SOX9: variants seen among roughly 807,000 people sequenced by gnomAD.
SOX9 encodes the protein SRY-box transcription factor 9.
Under a neutral mutation model 44.8 loss-of-function variants are expected in SOX9, and 2 were observed. That is an observed-to-expected ratio of 0.04 (90% CI 0.02 to 0.14). The LOEUF is 0.14. SOX9 is among the 10% of genes least tolerant of loss of function. The pLI is 1.00. For missense variants in SOX9, 583 were observed against 728.6 expected, an observed-to-expected ratio of 0.80 and a Z score of 2.30; for synonymous variants, 381 against 331.8, an observed-to-expected ratio of 1.15 and a Z score of -1.61.
Position 72,123,270 on chromosome 17 carries a change from C to T in SOX9, c.686-273C>T, listed in dbSNP as rs1453070781. ...TCTCCCTTCTTCTCTGCTCCCCCACCCCAAAAGCACACACAGGGCTCTTAC... is the reference window on the plus strand; with the variant it reads ...TCTCCCTTCTTCTCTGCTCCCCCACTCCAAAAGCACACACAGGGCTCTTAC... On this transcript the variant is annotated intron_variant, in intron 2 of 2. Coordinates refer to ENST00000245479, the MANE Select transcript of SOX9 (RefSeq NM_000346.4). This position sits in a 1 kb window ranked among gnomAD's most constrained non-coding sequence, Gnocchi z 6.5. Among the ~76,000 whole-genome samples the T allele has an allele frequency of 6.6e-6, 1 of 152,234 alleles. No individual in the cohort carries two copies. Among genetic ancestry groups the T allele is most frequent in the Non-Finnish European group, 1.5e-5 (1 of 68,038 alleles).
chr17:72,121,245 C>T lies in SOX9; in HGVS notation c.-147C>T. On this transcript the variant is annotated 5_prime_UTR_variant, in exon 1 of 3. Transcript: ENST00000245479. This position sits in a 1 kb window ranked among gnomAD's most constrained non-coding sequence, Gnocchi z 8.3. ...CCCGCGCCTTCCTAAGTGCTCGCCG[C>T]GGTAGCCGGCCGACGCGCCAGCTTC... 1 of 717,506 alleles carries T rather than the reference C, an allele frequency of 1.4e-6. No individual in the cohort carries two copies. The highest frequency in any genetic ancestry group is 2.3e-6 in the Non-Finnish European group (1 of 429,360). The allele number at this position is 717,506 out of a possible 1,614,324, so 44.4% of individuals were successfully genotyped here.
At position 72,126,281 on chromosome 17, in the gene SOX9, T is replaced by C; in HGVS notation, c.*1894T>C. On this transcript the variant is annotated 3_prime_UTR_variant, in exon 3 of 3. Coordinates refer to ENST00000245479, the MANE Select transcript of SOX9 (RefSeq NM_000346.4). ...AGGTAAAAGCTTTGGTTTGTGTTCG[T>C]GTTTTGTTTGTTTCACTTGTTTCCC... 4.3e-6 allele frequency: 1 copy of C among 233,238 alleles called. No individual in the cohort carries two copies. Among genetic ancestry groups the C allele is most frequent in the Non-Finnish European group, 8.5e-6 (1 of 117,830 alleles). The allele number at this position is 233,238 out of a possible 1,614,324, so 14.4% of individuals were successfully genotyped here. A position where few individuals can be genotyped will look rare whatever the true frequency, so the allele number is the denominator to read the frequency against.
chr17:72,121,569 C>G lies in SOX9; in HGVS notation c.178C>G (p.Leu60Val), dbSNP rs1908093931. The G allele has an allele frequency of 1.9e-6, 3 of 1,609,180 alleles. No individual in the cohort carries two copies. The highest frequency in any genetic ancestry group is 1.3e-5 in the African/African-American group (1 of 74,934). The stretch of plus-strand genomic sequence containing the variant: ...CACGTTCCCCAAGGGCGAGCCCGAT[C>G]TGAAGAAGGAGAGCGAGGAGGACAA... ...ENTFPKGEPD[L>V]KKESEEDKFP... The change falls in exon 1 of 3, where the codon CTG (leucine) becomes GTG (valine). Residue 60 changes from leucine to valine, a missense_variant. Around this residue, in one of 7 missense-constraint regions of SOX9, gnomAD observed 101 missense variants for 98.6 expected, o/e 1.02. Coordinates refer to ENST00000245479, the MANE Select transcript of SOX9 (RefSeq NM_000346.4). The surrounding 1 kb of genome is among the most constrained non-coding windows in gnomAD (Gnocchi z 8.3).
Position 72,124,382 on chromosome 17 carries a change from C to T in SOX9, c.1525C>T (p.Pro509Ser), listed in dbSNP as rs757337660. ...ACCCGTCTACACACAGCTCACTCGA[C>T]CTTGAGGAGGCCTCCCACGAAGGGC... ...EQPVYTQLTR[P>S] is the part of the protein sequence containing the mutation. The change falls in exon 3 of 3, where the codon CCT becomes TCT. Residue 509 changes from proline (P) to serine (S), a missense_variant. By Grantham distance (74) the Pro-to-Ser change is moderately conservative. Coordinates refer to ENST00000245479, the MANE Select transcript of SOX9 (RefSeq NM_000346.4). This position sits in a 1 kb window ranked among gnomAD's most constrained non-coding sequence, Gnocchi z 4.6. The T allele has an allele frequency of 1.9e-6, 3 of 1,600,180 alleles. No individual in the cohort carries two copies. The South Asian group carries it at 3.3e-5, about 18-fold the overall frequency.
rs2143256673 is a variant in SOX9 at position 72,124,173 on chromosome 17, A to G, written c.1316A>G (p.Gln439Arg). 1 of 1,613,740 alleles carries G rather than the reference A, an allele frequency of 6.2e-7. No homozygotes were observed. Among genetic ancestry groups the G allele is most frequent in the East Asian group, 2.2e-5 (1 of 44,862 alleles). ...SPSYPPITRS[Q>R]YDYTDHQNSS... ...TCCTACCCGCCCATCACCCGCTCACAGTACGACTACACCGACCACCAGAAC... is the reference window on the plus strand; with the variant it reads ...TCCTACCCGCCCATCACCCGCTCACGGTACGACTACACCGACCACCAGAAC... The change falls in exon 3 of 3, where the codon CAG becomes CGG. Residue 439 changes from glutamine (Q) to arginine (R), a missense_variant. By Grantham distance (43) the Gln-to-Arg change is conservative. This residue lies in a region of SOX9 where 349 missense variants were observed against 387.0 expected (regional missense o/e 0.90). Transcript: ENST00000245479. The surrounding 1 kb of genome is among the most constrained non-coding windows in gnomAD (Gnocchi z 4.6).
Position 72,124,836 on chromosome 17 carries a change from G to C in SOX9, c.*449G>C, listed in dbSNP as rs1226639886. ...ATATTCTCTATTTTAAATATTTTTAGTATGTACTGTGTATGATTCATTACC... is the reference window on the plus strand; with the variant it reads ...ATATTCTCTATTTTAAATATTTTTACTATGTACTGTGTATGATTCATTACC... On this transcript the variant is annotated 3_prime_UTR_variant, in exon 3 of 3. Transcript: ENST00000245479. The surrounding 1 kb of genome is among the most constrained non-coding windows in gnomAD (Gnocchi z 4.6). The C allele has an allele frequency of 5.7e-6, 2 of 349,608 alleles. No individual in the cohort carries two copies. Among genetic ancestry groups the C allele is most frequent in the African/African-American group, 2.0e-5 (1 of 48,824 alleles). The allele number at this position is 349,608 out of a possible 1,614,324, so 21.7% of individuals were successfully genotyped here.
rs772262688 is a variant in SOX9, at chr17:72,125,728, T to A, written c.*1341T>A. On this transcript the variant is annotated 3_prime_UTR_variant, in exon 3 of 3. Coordinates refer to ENST00000245479, the MANE Select transcript of SOX9 (RefSeq NM_000346.4). The stretch of plus-strand genomic sequence containing the variant: ...GCAAGTTTCTTTGTATTCCTCACCC[T>A]AGATTTGTATAAATGCCTTTTTGTC... The A allele has an allele frequency of 1.3e-5, 3 of 226,526 alleles. No individual in the cohort carries two copies. Among genetic ancestry groups the A allele is most frequent in the Non-Finnish European group, 2.6e-5 (3 of 113,616 alleles). 14.0% of individuals were successfully genotyped at this position (226,526 alleles called of 1,614,324 possible). A position where few individuals can be genotyped will look rare whatever the true frequency, so the allele number is the denominator to read the frequency against.
Position 72,124,031 on chromosome 17 carries a change from T to C in SOX9, c.1174T>C (p.Ser392Pro). Reference protein sequence around the residue: ...LTTLSSEPGQSQRTHIKTEQL... With the variant: ...LTTLSSEPGQPQRTHIKTEQL... Reference sequence around the variant, plus strand: ...CACGCTGAGCAGCGAGCCGGGCCAGTCCCAGCGAACGCACATCAAGACGGA... The same window carrying C: ...CACGCTGAGCAGCGAGCCGGGCCAGCCCCAGCGAACGCACATCAAGACGGA... Residue 392 changes from serine (S) to proline (P), a missense_variant, in exon 3 of 3, where the codon TCC becomes CCC. Transcript: ENST00000245479. This position sits in a 1 kb window ranked among gnomAD's most constrained non-coding sequence, Gnocchi z 4.6. 1.2e-6 allele frequency: 2 copies of C among 1,609,962 alleles called. No homozygotes were observed. Among genetic ancestry groups the C allele is most frequent in the South Asian group, 2.2e-5 (2 of 90,924 alleles).
At position 72,126,358 on chromosome 17, in the gene SOX9, CTT is replaced by C. The variant is rs1908284482; in HGVS notation, c.*1973_*1974del. ...CCGTGAAACTTACCTTTCCCTTTTT[CTT>C]TCTCTTTTTTTTTTTTGTATATTAT... On this transcript the variant is annotated 3_prime_UTR_variant, in exon 3 of 3. Transcript: ENST00000245479. 1 of 197,156 alleles carries C rather than the reference CTT, an allele frequency of 5.1e-6. No homozygotes were observed. The highest frequency in any genetic ancestry group is 3.0e-5 in the African/African-American group (1 of 33,628). The allele number at this position is 197,156 out of a possible 1,614,324, so 12.2% of individuals were successfully genotyped here.
Position 72,124,195 on chromosome 17 carries a change from G to A in SOX9, c.1338G>A (p.Gln446=), listed in dbSNP as rs776117304. 6.8e-6 allele frequency: 11 copies of A among 1,613,784 alleles called. No homozygotes were observed. In the South Asian group the frequency reaches 1.2e-4, roughly 18 times the overall value. The part of the protein sequence containing the change: ...TRSQYDYTDH[Q]NSSSYYSHAA... The stretch of plus-strand genomic sequence containing the variant: ...CACAGTACGACTACACCGACCACCA[G>A]AACTCCAGCTCCTACTACAGCCACG... The change falls in exon 3 of 3, where the codon CAG becomes CAA. Residue 446 remains glutamine, a synonymous_variant. Coordinates refer to ENST00000245479, the MANE Select transcript of SOX9 (RefSeq NM_000346.4). The surrounding 1 kb of genome is among the most constrained non-coding windows in gnomAD (Gnocchi z 4.6).
chr17:72,121,274 G>T lies in SOX9; in HGVS notation c.-118G>T. On this transcript the variant is annotated 5_prime_UTR_variant, in exon 1 of 3. Coordinates refer to ENST00000245479, the MANE Select transcript of SOX9 (RefSeq NM_000346.4). This position sits in a 1 kb window ranked among gnomAD's most constrained non-coding sequence, Gnocchi z 8.3. The stretch of plus-strand genomic sequence containing the variant: ...AGCCGGCCGACGCGCCAGCTTCCCC[G>T]GGAGCCGCTTGCTCCGCATCCGGGC... 1 of 930,150 alleles carries T rather than the reference G, an allele frequency of 1.1e-6. No homozygotes were observed. The highest frequency in any genetic ancestry group is 1.6e-6 in the Non-Finnish European group (1 of 607,200). The allele number at this position is 930,150 out of a possible 1,614,324, so 57.6% of individuals were successfully genotyped here. A position where few individuals can be genotyped will look rare whatever the true frequency, so the allele number is the denominator to read the frequency against.
rs886053351 is a variant in SOX9, at chr17:72,123,843, C to A, written c.986C>A (p.Ala329Glu). 3 of 1,598,076 alleles carry A rather than the reference C, an allele frequency of 1.9e-6. No homozygotes were observed. Among genetic ancestry groups the A allele is most frequent in the Non-Finnish European group, 2.6e-6 (3 of 1,173,656 alleles). The change falls in exon 3 of 3, where the codon GCG becomes GAG. Residue 329 changes from alanine to glutamate, a missense_variant. Physicochemically the swap from Ala to Glu is moderately radical, Grantham distance 107. Coordinates refer to ENST00000245479, the MANE Select transcript of SOX9 (RefSeq NM_000346.4). The surrounding 1 kb of genome is among the most constrained non-coding windows in gnomAD (Gnocchi z 6.5). ...ATCAGCAGCACCGCGGCCACCCCGG[C>A]GAGCGCGGGCCACGTGTGGATGTCC... The part of the protein sequence containing the change: ...YGISSTAATP[A>E]SAGHVWMSKQ...
At position 72,123,942 on chromosome 17, in the gene SOX9, CGCAGGCGGCGCCCCCACAGCA is replaced by C; in HGVS notation, c.1088_1108del (p.Gln363_Gln369del). The C allele has an allele frequency of 7.5e-7, 1 of 1,339,534 alleles. No individual in the cohort carries two copies. The highest frequency in any genetic ancestry group is 9.5e-7 in the Non-Finnish European group (1 of 1,051,872). 83.0% of individuals were successfully genotyped at this position (1,339,534 alleles called of 1,614,324 possible). A position where few individuals can be genotyped will look rare whatever the true frequency, so the allele number is the denominator to read the frequency against. ...CCGGCCCCGCAGGCGCCCCCGCAGC[CGCAGGCGGCGCCCCCACAGCA>C]GCCGGCGGCACCCCCGCAGCAGCCA... On this transcript the variant is annotated inframe_deletion, in exon 3 of 3. Coordinates refer to ENST00000245479, the MANE Select transcript of SOX9 (RefSeq NM_000346.4). This position sits in a 1 kb window ranked among gnomAD's most constrained non-coding sequence, Gnocchi z 6.5.
In SOX9 at chr17:72,123,958, ACAGCAGCCGGCGGCACCCCCG is replaced by A. The variant is rs1376979073; in HGVS notation, c.1110_1130del (p.Ala371_Pro377del). The A allele has an allele frequency of 6.9e-6, 10 of 1,450,388 alleles. No individual in the cohort carries two copies. In the Admixed American group the frequency reaches 1.3e-4, roughly 20 times the overall value. 89.8% of individuals were successfully genotyped at this position (1,450,388 alleles called of 1,614,324 possible). A position where few individuals can be genotyped will look rare whatever the true frequency, so the allele number is the denominator to read the frequency against. On this transcript the variant is annotated inframe_deletion, in exon 3 of 3. Transcript: ENST00000245479. The surrounding 1 kb of genome is among the most constrained non-coding windows in gnomAD (Gnocchi z 6.5). The stretch of plus-strand genomic sequence containing the variant: ...CCCCGCAGCCGCAGGCGGCGCCCCC[ACAGCAGCCGGCGGCACCCCCG>A]CAGCAGCCACAGGCGCACACGCTGA...
At position 72,125,385 on chromosome 17, in the gene SOX9, C is replaced by A. The variant is rs1177585549; in HGVS notation, c.*998C>A. 2 of 227,628 alleles carry A rather than the reference C, an allele frequency of 8.8e-6. No homozygotes were observed. The highest frequency in any genetic ancestry group is 1.7e-5 in the Non-Finnish European group (2 of 114,644). 14.1% of individuals were successfully genotyped at this position (227,628 alleles called of 1,614,324 possible). A position where few individuals can be genotyped will look rare whatever the true frequency, so the allele number is the denominator to read the frequency against. On this transcript the variant is annotated 3_prime_UTR_variant, in exon 3 of 3. Coordinates refer to ENST00000245479, the MANE Select transcript of SOX9 (RefSeq NM_000346.4). ...GAATGTTTCAGCAGCCAATAAGTGCCCGAGCACACTGCCCCCGGTTGCCTG... is the reference window on the plus strand; with the variant it reads ...GAATGTTTCAGCAGCCAATAAGTGCACGAGCACACTGCCCCCGGTTGCCTG...
In SOX9 at chr17:72,121,543, A is replaced by G. The variant is rs969167599; in HGVS notation, c.152A>G (p.Asn51Ser). 7 of 1,609,300 alleles carry G rather than the reference A, an allele frequency of 4.3e-6. No homozygotes were observed. The highest frequency in any genetic ancestry group is 1.3e-5 in the African/African-American group (1 of 74,816). Reference sequence around the variant, plus strand: ...ACCGAGAACACGCGGCCCCAGGAGAACACGTTCCCCAAGGGCGAGCCCGAT... The same window carrying G: ...ACCGAGAACACGCGGCCCCAGGAGAGCACGTTCCCCAAGGGCGAGCCCGAT... The part of the protein sequence containing the change: ...SDTENTRPQE[N>S]TFPKGEPDLK... The change falls in exon 1 of 3, where the codon AAC becomes AGC. Residue 51 changes from asparagine (N) to serine (S), a missense_variant. Coordinates refer to ENST00000245479, the MANE Select transcript of SOX9 (RefSeq NM_000346.4). The surrounding 1 kb of genome is among the most constrained non-coding windows in gnomAD (Gnocchi z 8.3).
In SOX9 at chr17:72,124,794, A is replaced by C; in HGVS notation, c.*407A>C. 2.7e-6 allele frequency: 1 copy of C among 377,100 alleles called. No homozygotes were observed. The allele number at this position is 377,100 out of a possible 1,614,324, so 23.4% of individuals were successfully genotyped here. ...ATTTTTTTAGCAGTAATTAAAGAAA[A>C]AAGTCCTCTGTGAGGAATATTCTCT... is the stretch of plus-strand genomic sequence containing the variant. On this transcript the variant is annotated 3_prime_UTR_variant, in exon 3 of 3. Transcript: ENST00000245479. This position sits in a 1 kb window ranked among gnomAD's most constrained non-coding sequence, Gnocchi z 4.6.
rs1175902013 is a variant in SOX9, at chr17:72,123,759, A to G, written c.902A>G (p.Asn301Ser). 6.2e-7 allele frequency: 1 copy of G among 1,613,508 alleles called. No individual in the cohort carries two copies. The highest frequency in any genetic ancestry group is 8.5e-7 in the Non-Finnish European group (1 of 1,179,932). ...VNEFDQYLPP[N>S]GHPGVPATHG... ...GAGTTTGACCAGTACCTGCCGCCCA[A>G]CGGCCACCCGGGGGTGCCGGCCACG... The change falls in exon 3 of 3, where the codon AAC becomes AGC. Residue 301 changes from asparagine to serine, a missense_variant. By Grantham distance (46) the Asn-to-Ser change is conservative. Coordinates refer to ENST00000245479, the MANE Select transcript of SOX9 (RefSeq NM_000346.4). This position sits in a 1 kb window ranked among gnomAD's most constrained non-coding sequence, Gnocchi z 6.5.
chr17:72,124,279 C>T lies in SOX9; in HGVS notation c.1422C>T (p.Arg474=). The part of the protein sequence containing the change: ...STFTYMNPAQ[R]PMYTPIADTS... Reference sequence around the variant, plus strand: ...TCACCTACATGAACCCCGCTCAGCGCCCCATGTACACCCCCATCGCCGACA... The same window carrying T: ...TCACCTACATGAACCCCGCTCAGCGTCCCATGTACACCCCCATCGCCGACA... Residue 474 remains arginine (R), a synonymous_variant, in exon 3 of 3, where the codon CGC becomes CGT. Coordinates refer to ENST00000245479, the MANE Select transcript of SOX9 (RefSeq NM_000346.4). The surrounding 1 kb of genome is among the most constrained non-coding windows in gnomAD (Gnocchi z 4.6). The T allele has an allele frequency of 6.2e-7, 1 of 1,612,006 alleles. No homozygotes were observed. The highest frequency in any genetic ancestry group is 8.5e-7 in the Non-Finnish European group (1 of 1,180,010).
Sources: allele counts gnomAD v4.1 joint callset (sites outside exome capture counted in the v4.1 genomes callset), GRCh38; gene constraint gnomAD v4.1.1; regional missense constraint gnomAD v4.1.1; non-coding constraint Gnocchi (gnomAD v3.1); transcripts MANE v1.5; gene names NCBI Gene and HGNC (gene_info 2026-07-23, HGNC 2026-07-21).